Variants in SPRED1 observed in about 807,000 individuals in gnomAD.
SPRED1 encodes the protein sprouty-related, EVH1 domain-containing protein 1.
In SPRED1, 18 loss-of-function variants were observed where a neutral mutation model predicts 52.3. That is an observed-to-expected ratio of 0.34 (90% CI 0.24 to 0.51). The LOEUF is 0.51. SPRED1 is among the 20% of genes least tolerant of loss of function. SPRED1 has a pLI of 0.97. For missense variants in SPRED1, 485 were observed against 551.0 expected, an observed-to-expected ratio of 0.88 and a Z score of 1.20; for synonymous variants, 155 against 179.7, an observed-to-expected ratio of 0.86 and a Z score of 1.10.
chr15:38,344,327 C>T (rs565533378), intron 5 of SPRED1, among the ~76,000 whole-genome samples: 16 of 152,236 alleles, frequency 1.1e-4, no homozygotes, highest in African/African-American at 3.6e-4. Context: ...TATTCCTCAT[C>T]GCAGGCCCTG....
intron 4 of SPRED1, among the ~76,000 whole-genome samples, chr15:38,332,377 C>T (rs2141002076): frequency 6.6e-6 from 1 of 152,172 alleles, no homozygotes; most frequent in South Asian, 2.1e-4. Context: ...AGTTCAAAAC[C>T]AGCCTGAGCA....
At position 38,334,891 on chromosome 15, in the gene SPRED1, ATT is replaced by A. The variant is rs71129335; in HGVS notation, c.424-4835_424-4834del. ...AGAAATGCTGGGTCAAAAAGTACGG[ATT>A]TTTTTTTTTTCCAGTGCCATTATCA... On this transcript the variant is annotated intron_variant, in intron 4 of 6. Transcript: ENST00000299084. Among the ~76,000 whole-genome samples the A allele has an allele frequency of 4.6e-3, 687 of 149,026 alleles. 2 individuals are homozygous for A. The highest frequency in any genetic ancestry group is 0.012 in the East Asian group (62 of 5,120).
rs539333300 is a variant in SPRED1 at position 38,335,170 on chromosome 15, A to G, written c.424-4567A>G. On this transcript the variant is annotated intron_variant, in intron 4 of 6. Transcript: ENST00000299084. ...TCCCAGGAAGAGAGGGCTCATTTCT[A>G]TGTACTGTGTAAATTATGTACCTTG... Among the ~76,000 whole-genome samples, 10 of 152,136 alleles carry G rather than the reference A, an allele frequency of 6.6e-5. No individual in the cohort carries two copies. In the South Asian group the frequency reaches 1.2e-3, roughly 19 times the overall value.
intron 5 of SPRED1, among the ~76,000 whole-genome samples, chr15:38,342,130 A>AT (rs893506950): frequency 7.0e-6 from 1 of 143,300 alleles, no homozygotes; most frequent in African/African-American, 2.6e-5. Context: ...CATTTTATTC[A>AT]TTTTTTATTT....
intron 5 of SPRED1, among the ~76,000 whole-genome samples, chr15:38,343,033 C>T (rs1384128192): frequency 2.6e-5 from 4 of 151,986 alleles, no homozygotes; most frequent in African/African-American, 4.8e-5. Flanking sequence ...TAAGAAAGAG[C>T]GGTCACATTA....
chr15:38,281,634 T>C (rs1408401687), intron 1 of SPRED1, among the ~76,000 whole-genome samples: 2 of 146,276 alleles, frequency 1.4e-5, no homozygotes, highest in Non-Finnish European at 3.0e-5. Context: ...AACTCCTGGC[T>C]GCAAGTGATC....
intron 1 of SPRED1, among the ~76,000 whole-genome samples, chr15:38,269,804 C>T (rs1894391693): frequency 6.6e-6 from 1 of 151,998 alleles, no homozygotes; most frequent in Admixed American, 6.6e-5. Context: ...GTTTGAGTGA[C>T]TGAGGAGTTA....
chr15:38,324,931 CCAGA>C, intron 4 of SPRED1, 122 bp downstream of exon 4: 1 of 879,944 alleles, frequency 1.1e-6, no homozygotes, highest in Non-Finnish European at 1.8e-6. Context: ...TCAGATTTCT[CCAGA>C]AGAAAAGAAC....
intron 1 of SPRED1, among the ~76,000 whole-genome samples, chr15:38,289,775 T>C (rs936894547): frequency 2.0e-4 from 31 of 152,316 alleles, no homozygotes; most frequent in African/African-American, 6.5e-4. Context: ...GGAAAACTGT[T>C]TTCTCTTTTA....
At chr15:38,349,572 G>GTTAAATTA (rs61670754) in intron 6 of SPRED1, 49 bp downstream of exon 6, 4 of 1,246,010 alleles carry the variant, frequency 3.2e-6, no homozygotes, top group Non-Finnish European at 2.3e-6. Context: ...CTAATTAATA[G>GTTAAATTA]ATAGGTAAAG....
At chr15:38,304,315 T>C (rs1895207334) in intron 2 of SPRED1, among the ~76,000 whole-genome samples, 1 of 152,166 alleles carries the variant, frequency 6.6e-6, no homozygotes, top group Non-Finnish European at 1.5e-5. Flanking sequence ...GAAACTTCAG[T>C]CCTACAGAAG....
intron 1 of SPRED1, among the ~76,000 whole-genome samples, chr15:38,261,659 C>T (rs902251135): frequency 3.3e-5 from 5 of 152,174 alleles, no homozygotes; most frequent in South Asian, 2.1e-4. Flanking sequence ...CTGCAAGCTC[C>T]GCCTCCTGGG....
chr15:38,343,134 A>G (rs2177246), intron 5 of SPRED1, among the ~76,000 whole-genome samples: 125,079 of 151,940 alleles, frequency 0.82, 52,292 homozygotes, highest in Non-Finnish European at 0.9. Flanking sequence ...ATTTTACGAC[A>G]TAAATGCCCC....
intron 1 of SPRED1, among the ~76,000 whole-genome samples, chr15:38,273,589 A>G (rs1276126655): frequency 1.3e-5 from 2 of 149,488 alleles, no homozygotes; most frequent in Middle Eastern, 3.3e-3. Flanking sequence ...TAGGATGTGT[A>G]GGACTTTAGT....
chr15:38,274,766 T>G (rs900023087), intron 1 of SPRED1, among the ~76,000 whole-genome samples: 1 of 152,224 alleles, frequency 6.6e-6, no homozygotes, highest in African/African-American at 2.4e-5. Context: ...CAGCCTGTCT[T>G]TTATAACCTT....
rs779058019 is a variant in SPRED1 at position 38,351,531 on chromosome 15, G to C, written c.1202G>C (p.Cys401Ser). 1 of 1,613,984 alleles carries C rather than the reference G, an allele frequency of 6.2e-7. No individual in the cohort carries two copies. The highest frequency in any genetic ancestry group is 8.5e-7 in the Non-Finnish European group (1 of 1,180,008). ...CSCDTSDDKF[C>S]LRWLALVALS... Reference sequence around the variant, plus strand: ...TGTGACACTAGCGACGACAAGTTCTGCTTGCGATGGTTAGCCCTGGTAGCT... The same window carrying C: ...TGTGACACTAGCGACGACAAGTTCTCCTTGCGATGGTTAGCCCTGGTAGCT... Residue 401 changes from cysteine (C) to serine (S), a missense_variant, in exon 7 of 7, where the codon TGC becomes TCC. Coordinates refer to ENST00000299084, the MANE Select transcript of SPRED1 (RefSeq NM_152594.3).
At chr15:38,295,693 G>A (rs568883040) in intron 1 of SPRED1, among the ~76,000 whole-genome samples, 55 of 152,158 alleles carry the variant, frequency 3.6e-4, no homozygotes, top group African/African-American at 1.3e-3. Context: ...AGAGGGATAG[G>A]GGATAGATAG....
chr15:38,339,758 A>G lies in SPRED1; in HGVS notation c.445A>G (p.Ser149Gly), dbSNP rs2141007736. The G allele has an allele frequency of 6.2e-7, 1 of 1,613,890 alleles. No homozygotes were observed. The highest frequency in any genetic ancestry group is 8.5e-7 in the Non-Finnish European group (1 of 1,179,880). The change falls in exon 5 of 7, where the codon AGT becomes GGT. Residue 149 changes from serine (S) to glycine (G), a missense_variant. Coordinates refer to ENST00000299084, the MANE Select transcript of SPRED1 (RefSeq NM_152594.3). ...DLQANEEDSS[S>G]SLVKDHLFQQ... ...ATAGGCAAATGAAGAGGATTCTTCCAGTTCTCTAGTGAAGGATCACCTTTT... is the reference window on the plus strand; with the variant it reads ...ATAGGCAAATGAAGAGGATTCTTCCGGTTCTCTAGTGAAGGATCACCTTTT...
Position 38,332,975 on chromosome 15 carries a change from T to C in SPRED1, c.424-6762T>C, listed in dbSNP as rs544379523. ...TGGTGGAAAGAACAGGACAGCACTC[T>C]GGAGTCTCTTTTATAAGGGCACTAA... is the stretch of plus-strand genomic sequence containing the variant. On this transcript the variant is annotated intron_variant, in intron 4 of 6. Transcript: ENST00000299084. Among the ~76,000 whole-genome samples the C allele has an allele frequency of 3.3e-5, 5 of 152,338 alleles. No individual in the cohort carries two copies. The South Asian group carries it at 8.3e-4, about 25-fold the overall frequency.
Sources: allele counts gnomAD v4.1 joint callset (sites outside exome capture counted in the v4.1 genomes callset), GRCh38; gene constraint gnomAD v4.1.1; transcripts MANE v1.5; gene names NCBI Gene and HGNC (gene_info 2026-07-23, HGNC 2026-07-21).